The following ENOX1 variants were observed in gnomAD, a reference collection of about 807,000 sequenced individuals.
ENOX1 encodes candidate growth-related and time keeping constitutive hydroquinone (NADH) oxidase.
ENOX1 carries 42 observed loss-of-function variants against 82.5 expected under a neutral mutation model. The ratio of observed to expected loss-of-function variants is 0.51; its 90% CI spans 0.40 to 0.66. The LOEUF is 0.66. ENOX1 is among the 30% of genes least tolerant of loss of function. ENOX1 has a pLI of 0.00. For missense variants in ENOX1, 608 were observed against 811.6 expected, an observed-to-expected ratio of 0.75 and a Z score of 3.05; for synonymous variants, 271 against 282.2, an observed-to-expected ratio of 0.96 and a Z score of 0.40.
chr13:43,588,257 T>C (rs983462221), intron 2 of ENOX1, among the ~76,000 whole-genome samples: 1 of 152,198 alleles, frequency 6.6e-6, no homozygotes, highest in Non-Finnish European at 1.5e-5. Flanking sequence ...AACATTATCT[T>C]ATTAAAGCAA....
chr13:43,734,199 GGTTGTTGTTGTTGTTGTTGTT>G (rs143259339), intron 1 of ENOX1, among the ~76,000 whole-genome samples: 120,533 of 151,056 alleles, frequency 0.8, 49,936 homozygotes, highest in South Asian at 0.93. Context: ...TTTTGTTGTT[GGTTGTTGTTGTTGTTGTTGTT>G]GTTGTTGTTG....
At chr13:43,638,826 T>C (rs1052747610) in intron 2 of ENOX1, among the ~76,000 whole-genome samples, 2 of 152,208 alleles carry the variant, frequency 1.3e-5, no homozygotes, top group African/African-American at 4.8e-5. Context: ...ATATTGGATT[T>C]TAAAACCACT....
chr13:43,687,671 T>G (rs1225390861), intron 1 of ENOX1, among the ~76,000 whole-genome samples: 3 of 152,134 alleles, frequency 2.0e-5, no homozygotes, highest in African/African-American at 7.2e-5. Flanking sequence ...CATGCTATGT[T>G]CCAAGCATGA....
chr13:43,301,523 G>A (rs1445867883), intron 11 of ENOX1, among the ~76,000 whole-genome samples: 2 of 148,890 alleles, frequency 1.3e-5, no homozygotes, highest in African/African-American at 5.0e-5. Flanking sequence ...TTGCATTCCC[G>A]GAATAGGAAT....
intron 11 of ENOX1, among the ~76,000 whole-genome samples, chr13:43,300,011 G>A (rs1451767339): frequency 6.6e-6 from 1 of 152,168 alleles, no homozygotes; most frequent in Non-Finnish European, 1.5e-5. Flanking sequence ...GTCAAATTAT[G>A]TTAATAATAG....
At chr13:43,363,313 T>C (rs1379094851) in intron 5 of ENOX1, among the ~76,000 whole-genome samples, 2 of 152,148 alleles carry the variant, frequency 1.3e-5, no homozygotes, top group Admixed American at 6.6e-5. Flanking sequence ...GCCCAGGTCT[T>C]TGCCTCAGTA....
At chr13:43,772,739 ACT>A (rs1477940735) in intron 1 of ENOX1, among the ~76,000 whole-genome samples, 2 of 136,906 alleles carry the variant, frequency 1.5e-5, no homozygotes, top group African/African-American at 5.7e-5. Flanking sequence ...ACAGAGCAAG[ACT>A]CTGTCTTTAA....
intron 3 of ENOX1, among the ~76,000 whole-genome samples, chr13:43,482,235 A>C (rs1369054613): frequency 1.3e-5 from 2 of 152,248 alleles, no homozygotes. Context: ...ATGTGGAAAG[A>C]ACCTAAATGC....
chr13:43,627,175 A>G (rs1437766823), intron 2 of ENOX1, among the ~76,000 whole-genome samples: 5 of 151,958 alleles, frequency 3.3e-5, no homozygotes, highest in Non-Finnish European at 7.4e-5. Flanking sequence ...ATATGTCATT[A>G]TATCTGATGT....
intron 11 of ENOX1, among the ~76,000 whole-genome samples, chr13:43,311,253 A>G (rs2047184826): frequency 6.6e-6 from 1 of 152,108 alleles, no homozygotes; most frequent in African/African-American, 2.4e-5. Context: ...GGGGCTCTGA[A>G]GCCAGATACC....
chr13:43,460,931 T>C (rs2057458425), intron 3 of ENOX1, among the ~76,000 whole-genome samples: 1 of 151,580 alleles, frequency 6.6e-6, no homozygotes, highest in Non-Finnish European at 1.5e-5. Flanking sequence ...AGAGCTGCAA[T>C]TTTGATCCTA....
intron 2 of ENOX1, among the ~76,000 whole-genome samples, chr13:43,624,836 T>A (rs1190492137): frequency 6.6e-6 from 1 of 152,080 alleles, no homozygotes; most frequent in African/African-American, 2.4e-5. Flanking sequence ...ACTAAGTCCT[T>A]CCACTTTTTA....
chr13:43,559,761 T>G (rs2079589426), intron 2 of ENOX1, among the ~76,000 whole-genome samples: 1 of 152,164 alleles, frequency 6.6e-6, no homozygotes, highest in South Asian at 2.1e-4. Flanking sequence ...TAATACAACT[T>G]TCATTCCAAC....
chr13:43,748,786 T>C (rs1950159315), intron 1 of ENOX1, among the ~76,000 whole-genome samples: 1 of 152,234 alleles, frequency 6.6e-6, no homozygotes, highest in African/African-American at 2.4e-5. Flanking sequence ...TGTCCTATTT[T>C]ACTTATTAAT....
At chr13:43,742,278 A>C (rs570539869) in intron 1 of ENOX1, among the ~76,000 whole-genome samples, 17 of 152,256 alleles carry the variant, frequency 1.1e-4, no homozygotes, top group African/African-American at 4.1e-4. Context: ...CCAGTGACAT[A>C]GTAACAATCC....
chr13:43,228,052 T>C (rs185260819), intron 15 of ENOX1, among the ~76,000 whole-genome samples: 123 of 151,720 alleles, frequency 8.1e-4, no homozygotes, highest in Middle Eastern at 3.5e-3. Flanking sequence ...TCAGGTTCAT[T>C]TGAGGGAATC....
rs565747193 is a variant in ENOX1, at chr13:43,244,502, GTGT to G, written c.1612-7767_1612-7765del. ...TTCTATTTTCTCTATTTTTCTGTCA[GTGT>G]TGTTGTTATTATCCTTATAAGTAAA... On this transcript the variant is annotated intron_variant, in intron 14 of 16. Transcript: ENST00000690772. Among the ~76,000 whole-genome samples the G allele has an allele frequency of 1.8e-4, 28 of 152,244 alleles. No homozygotes were observed. In the East Asian group the frequency reaches 5.2e-3, roughly 28 times the overall value.
intron 3 of ENOX1, among the ~76,000 whole-genome samples, chr13:43,426,592 G>C (rs1224864906): frequency 6.6e-6 from 1 of 152,078 alleles, no homozygotes; most frequent in African/African-American, 2.4e-5. Context: ...ATGAGATAAT[G>C]TTTATTGAAA....
chr13:43,265,493 T>C, intron 13 of ENOX1, 39 bp from the exon 14 acceptor site: 1 of 1,560,206 alleles, frequency 6.4e-7, no homozygotes, highest in Non-Finnish European at 8.8e-7. Flanking sequence ...AACAAAAAAA[T>C]GAATAAGCAA....
Sources: gnomAD v4.1 joint callset for allele counts (sites outside exome capture counted in the v4.1 genomes callset) on GRCh38, gnomAD v4.1.1 for gene constraint, MANE v1.5 for transcripts, NCBI Gene and HGNC (gene_info 2026-07-23, HGNC 2026-07-21) for gene names.